Variants in BTAF1 observed in about 807,000 individuals in gnomAD.
The protein encoded by BTAF1 is TATA-binding protein-associated factor 172.
In BTAF1, 38 loss-of-function variants were observed where a neutral mutation model predicts 227.1. The ratio of observed to expected loss-of-function variants is 0.17; its 90% CI spans 0.13 to 0.22. The LOEUF (loss-of-function observed/expected upper bound fraction) is 0.22, where lower values mean the gene tolerates loss of function less well. Among genes scored for constraint, BTAF1 ranks in the 10% least tolerant of loss-of-function variants. BTAF1 has a pLI of 1.00. For missense variants in BTAF1, 1,598 were observed against 2,204.0 expected (o/e 0.73, Z 5.51); for synonymous variants, 742 against 751.9 (o/e 0.99, Z 0.21).
chr10:91,982,502 T>C (rs1397368597), intron 17 of BTAF1, 85 bp from the exon 18 acceptor site: 3 of 1,459,934 alleles, frequency 2.1e-6, no homozygotes, highest in Non-Finnish European at 2.7e-6. Context: ...CAAGTAATTA[T>C]AGGAAATTGA....
intron 33 of BTAF1, among the ~76,000 whole-genome samples, chr10:92,016,955 G>A (rs1012332659): frequency 1.3e-5 from 2 of 151,990 alleles, no homozygotes; most frequent in Admixed American, 6.6e-5. Flanking sequence ...TGTATAAAAT[G>A]CAATATATGT....
chr10:92,001,180 A>G (rs937130006), intron 25 of BTAF1, among the ~76,000 whole-genome samples: 4 of 152,204 alleles, frequency 2.6e-5, no homozygotes, highest in Admixed American at 6.5e-5. Context: ...GGGAAACCCA[A>G]AGAGAGCCCA....
chr10:91,959,411 G>A (rs2133890623), intron 9 of BTAF1: 1 of 566,356 alleles, frequency 1.8e-6, no homozygotes, highest in Non-Finnish European at 2.6e-6. Context: ...TATATGACCG[G>A]TGTGCTTGAT....
At chr10:92,001,957 A>G (rs1264227521) in intron 25 of BTAF1, among the ~76,000 whole-genome samples, 1 of 120,544 alleles carries the variant, frequency 8.3e-6, no homozygotes, top group Non-Finnish European at 1.8e-5. Flanking sequence ...AAAAAAAAAA[A>G]AAAAAAAAAA....
At chr10:91,981,822 G>T (rs748407280) in intron 16 of BTAF1, 30 bp downstream of exon 16, 2 of 1,587,876 alleles carry the variant, frequency 1.3e-6, no homozygotes, top group Admixed American at 3.7e-5. Flanking sequence ...GTGTATTTGT[G>T]TGTTCATCAT....
At position 92,030,141 on chromosome 10, in the gene BTAF1, C is replaced by A. The variant is rs1851804376; in HGVS notation, c.*1208C>A. On this transcript the variant is annotated 3_prime_UTR_variant, in exon 38 of 38. Transcript: ENST00000265990. ...TCCCCAAGGTTTGTGGCTGGCCATA[C>A]ACATAGGCATCAGTTTAACAACCAT... 1 of 152,528 alleles carries A rather than the reference C, an allele frequency of 6.6e-6. No individual in the cohort carries two copies. Among genetic ancestry groups the A allele is most frequent in the Non-Finnish European group, 1.5e-5 (1 of 67,972 alleles). The allele number at this position is 152,528 out of a possible 1,614,324, so 9.4% of individuals were successfully genotyped here.
At chr10:91,930,062 T>TA (rs201257489) in intron 1 of BTAF1, among the ~76,000 whole-genome samples, 1 of 152,190 alleles carries the variant, frequency 6.6e-6, no homozygotes, top group Non-Finnish European at 1.5e-5. Context: ...ATTATTATTT[T>TA]AAAAATTTTT....
intron 19 of BTAF1, 145 bp downstream of exon 19, chr10:91,984,549 G>A (rs1312797954): frequency 1.4e-6 from 1 of 704,550 alleles, no homozygotes; most frequent in Non-Finnish European, 2.3e-6. Flanking sequence ...CCTTGAGAAA[G>A]GTTATTTCAT....
At position 91,997,594 on chromosome 10, in the gene BTAF1, C is replaced by G. The variant is rs748058990; in HGVS notation, c.3512-9C>G. The stretch of plus-strand genomic sequence containing the variant: ...AACCATTTCAAAATTTCCTTAATCA[C>G]TTACTCAGGTGTAATGGAACAACTA... On this transcript the variant is annotated splice_polypyrimidine_tract_variant and intron_variant, in intron 24 of 37. Transcript: ENST00000265990. 6.2e-7 allele frequency: 1 copy of G among 1,611,088 alleles called. No homozygotes were observed. The highest frequency in any genetic ancestry group is 1.1e-5 in the South Asian group (1 of 90,622).
chr10:91,997,371 A>G (rs1849215677), intron 24 of BTAF1, among the ~76,000 whole-genome samples: 1 of 152,238 alleles, frequency 6.6e-6, no homozygotes, highest in Admixed American at 6.5e-5. Flanking sequence ...TCAGAAGAAA[A>G]ACATAATTTT....
At chr10:91,957,804 C>T (rs1248646957) in intron 8 of BTAF1, among the ~76,000 whole-genome samples, 2 of 152,106 alleles carry the variant, frequency 1.3e-5, no homozygotes, top group African/African-American at 4.8e-5. Flanking sequence ...TTTTAGTTGC[C>T]TTTCCTTGGT....
chr10:91,927,040 C>G (rs188828921), intron 1 of BTAF1, among the ~76,000 whole-genome samples: 1 of 152,204 alleles, frequency 6.6e-6, no homozygotes, highest in East Asian at 1.9e-4. Context: ...CTCCACCCTC[C>G]CCAGAATTCA....
chr10:92,018,972 C>A, intron 34 of BTAF1, 37 bp downstream of exon 34: 2 of 1,408,950 alleles, frequency 1.4e-6, no homozygotes, highest in South Asian at 1.9e-5. Flanking sequence ...GTGTGTTGTA[C>A]CCCAGGAATA....
chr10:91,959,738 GTGTATATATATATATA>G (rs1846364781), intron 9 of BTAF1, 31 bp from the exon 10 acceptor site: 16 of 371,096 alleles, frequency 4.3e-5, no homozygotes, highest in Admixed American at 1.4e-4. Context: ...GTGTGTGTGT[GTGTATATATATATATA>G]TATATATATA....
At chr10:92,011,751 G>A (rs1183464765) in intron 30 of BTAF1, among the ~76,000 whole-genome samples, 1 of 152,180 alleles carries the variant, frequency 6.6e-6, no homozygotes, top group Non-Finnish European at 1.5e-5. Context: ...TGAAAAGCTA[G>A]AGCTGAGTCA....
At chr10:92,001,582 C>T (rs917066965) in intron 25 of BTAF1, among the ~76,000 whole-genome samples, 3 of 152,012 alleles carry the variant, frequency 2.0e-5, no homozygotes, top group Non-Finnish European at 4.4e-5. Context: ...AGCTTAAAAG[C>T]AAGCCTTAAC....
At chr10:91,957,392 C>G in intron 8 of BTAF1, 99 bp downstream of exon 8, 1 of 919,930 alleles carries the variant, frequency 1.1e-6, no homozygotes, top group Non-Finnish European at 1.6e-6. Context: ...CCCTATTCTT[C>G]TCTGTTTGTC....
chr10:91,981,418 G>A (rs1006814952), intron 15 of BTAF1, among the ~76,000 whole-genome samples: 1 of 151,168 alleles, frequency 6.6e-6, no homozygotes, highest in South Asian at 2.1e-4. Context: ...AAAGAGAATT[G>A]TGTTCTTTTT....
intron 1 of BTAF1, among the ~76,000 whole-genome samples, chr10:91,924,670 C>T (rs986723619): frequency 3.9e-5 from 6 of 152,302 alleles, no homozygotes; most frequent in South Asian, 2.1e-4. Flanking sequence ...TTTTCCGTAA[C>T]TAAGGCGTGG....
Sources: gnomAD v4.1 joint callset for allele counts (sites outside exome capture counted in the v4.1 genomes callset) on GRCh38, gnomAD v4.1.1 for gene constraint, MANE v1.5 for transcripts, NCBI Gene and HGNC (gene_info 2026-07-23, HGNC 2026-07-21) for gene names.